Variants in PCDHA7 observed in about 807,000 individuals in gnomAD.
The protein encoded by PCDHA7 is protocadherin alpha-7.
PCDHA7 carries 37 observed loss-of-function variants against 57.2 expected under a neutral mutation model. The observed-to-expected ratio is 0.65, with a 90% confidence interval of 0.50 to 0.85. PCDHA7 has a LOEUF of 0.85. PCDHA7 is among the 40% of genes least tolerant of loss of function. The probability of loss-of-function intolerance (pLI) is 0.00; values close to 1 mark genes in which losing one functional copy is unlikely to be tolerated. For synonymous variants in PCDHA7, 553 were observed against 558.8 expected (o/e 0.99, Z 0.15); for missense variants, 1,188 against 1,241.8 (o/e 0.96, Z 0.65).
intron 1 of PCDHA7, chr5:140,851,932 T>G: frequency 1.0e-6 from 1 of 965,638 alleles, no homozygotes; most frequent in Non-Finnish European, 1.3e-6. Context: ...TTTCCTGAAT[T>G]GTAGTATGTG....
chr5:140,848,874 A>G (rs2040648635), intron 1 of PCDHA7: 2 of 1,590,884 alleles, frequency 1.3e-6, no homozygotes, highest in East Asian at 2.2e-5. Flanking sequence ...GAAGGACATT[A>G]ACGACAACCC....
intron 1 of PCDHA7, among the ~76,000 whole-genome samples, chr5:140,970,537 GT>G (rs111648801): frequency 0.029 from 4,476 of 152,214 alleles, 218 homozygotes; most frequent in African/African-American, 0.1. Flanking sequence ...ATGTGTGTGT[GT>G]TTGTGTTGTG....
Position 140,891,839 on chromosome 5 carries a change from T to C in PCDHA7, c.2355+55101T>C, listed in dbSNP as rs10074902. Among the ~76,000 whole-genome samples, 663 of 152,284 alleles carry C rather than the reference T, an allele frequency of 4.4e-3. 7 individuals carry two copies. The highest frequency in any genetic ancestry group is 0.015 in the African/African-American group (618 of 41,564). On this transcript the variant is annotated intron_variant, in intron 1 of 3. Coordinates refer to ENST00000525929, the MANE Select transcript of PCDHA7 (RefSeq NM_018910.3). ...TTAACGGCACTGTAAAAGGACTTGA[T>C]GGAAGGAGCCTGTCCCTCTCTTATG...
In PCDHA7 at chr5:140,977,177, T is replaced by G. The variant is rs139020033; in HGVS notation, c.2356-1772T>G. On this transcript the variant is annotated intron_variant, in intron 1 of 3. Coordinates refer to ENST00000525929, the MANE Select transcript of PCDHA7 (RefSeq NM_018910.3). ...CCTTTCAGCAAAATGAGTTTGATGA[T>G]TTCATTCCAAAGATCAAGTTGCAGC... 6.8e-3 allele frequency among the ~76,000 whole-genome samples: 1,032 copies of G among 152,274 alleles called. 9 individuals are homozygous for G. Among genetic ancestry groups the G allele is most frequent in the African/African-American group, 0.023 (966 of 41,542 alleles).
chr5:140,977,084 A>C lies in PCDHA7; in HGVS notation c.2356-1865A>C, dbSNP rs545652987. On this transcript the variant is annotated intron_variant, in intron 1 of 3. Coordinates refer to ENST00000525929, the MANE Select transcript of PCDHA7 (RefSeq NM_018910.3). ...TAGAAAATAGCAGCATGACAAATTA[A>C]ATGTGTCATTGGGGAAGTGAGATTG... is the stretch of plus-strand genomic sequence containing the variant. 2.0e-5 allele frequency among the ~76,000 whole-genome samples: 3 copies of C among 152,336 alleles called. No individual in the cohort carries two copies. The East Asian group carries it at 5.8e-4, about 29-fold the overall frequency.
At chr5:140,986,583 T>C (rs1265983211) in intron 3 of PCDHA7, among the ~76,000 whole-genome samples, 1 of 152,170 alleles carries the variant, frequency 6.6e-6, no homozygotes, top group African/African-American at 2.4e-5. Flanking sequence ...TTTTTCCAGC[T>C]CCTCTTTCTA....
Position 140,993,509 on chromosome 5 carries a change from CGGGGAGAGAG to C in PCDHA7, c.2503+10947_2503+10956del, listed in dbSNP as rs2097568307. Among the ~76,000 whole-genome samples, 3 of 143,488 alleles carry C rather than the reference CGGGGAGAGAG, an allele frequency of 2.1e-5. No homozygotes were observed. In the Admixed American group the frequency reaches 2.1e-4, roughly 10 times the overall value. 94.1% of individuals were successfully genotyped at this position (143,488 alleles called of 152,430 possible). A position where few individuals can be genotyped will look rare whatever the true frequency, so the allele number is the denominator to read the frequency against. On this transcript the variant is annotated intron_variant, in intron 3 of 3. Coordinates refer to ENST00000525929, the MANE Select transcript of PCDHA7 (RefSeq NM_018910.3). Reference sequence around the variant, plus strand: ...ACACACACACACACACACACACACACGGGGAGAGAGAGACAGAGAGAGAGAGAGATAGAGA... The same window carrying C: ...ACACACACACACACACACACACACACAGACAGAGAGAGAGAGAGATAGAGA...
At chr5:141,003,663 A>G (rs1298864445) in intron 3 of PCDHA7, among the ~76,000 whole-genome samples, 4 of 152,204 alleles carry the variant, frequency 2.6e-5, no homozygotes, top group Non-Finnish European at 5.9e-5. Flanking sequence ...CATTTATTAA[A>G]ATATATGTTG....
intron 1 of PCDHA7, chr5:140,967,282 G>A (rs1463734502): frequency 1.1e-5 from 17 of 1,612,960 alleles, no homozygotes; most frequent in Non-Finnish European, 1.4e-5. Context: ...TAGAGAGTGC[G>A]CAGGACCCCG....
chr5:140,873,181 T>C (rs2153284921), intron 1 of PCDHA7, among the ~76,000 whole-genome samples: 1 of 152,304 alleles, frequency 6.6e-6, no homozygotes, highest in African/African-American at 2.4e-5. Flanking sequence ...TGTATCATAA[T>C]ATTCATTGGC....
At chr5:140,998,968 T>A (rs2097841777) in intron 3 of PCDHA7, among the ~76,000 whole-genome samples, 1 of 152,238 alleles carries the variant, frequency 6.6e-6, no homozygotes, top group Non-Finnish European at 1.5e-5. Context: ...TCAAATAGTA[T>A]CCTAGAAAAT....
intron 1 of PCDHA7, chr5:140,929,034 C>T (rs561529051): frequency 2.5e-6 from 4 of 1,614,158 alleles, no homozygotes; most frequent in East Asian, 4.5e-5. Flanking sequence ...CAGGCTGTTG[C>T]GCTCAGAGCT....
At chr5:141,000,410 TA>T (rs2097918693) in intron 3 of PCDHA7, among the ~76,000 whole-genome samples, 2 of 101,940 alleles carry the variant, frequency 2.0e-5, no homozygotes, top group African/African-American at 7.8e-5. Flanking sequence ...TATATATATA[TA>T]TATATATATA....
Position 140,877,146 on chromosome 5 carries a change from G to A in PCDHA7, c.2355+40408G>A, listed in dbSNP as rs781819140. The A allele has an allele frequency of 1.9e-6, 3 of 1,613,818 alleles. No individual in the cohort carries two copies. In the East Asian group the frequency reaches 6.7e-5, roughly 36 times the overall value. On this transcript the variant is annotated intron_variant, in intron 1 of 3. Coordinates refer to ENST00000525929, the MANE Select transcript of PCDHA7 (RefSeq NM_018910.3). ...CGCTGCAGGTGTTCGTGCTGGACGA[G>A]AACGACAACGCGCCGGCACTGCTGG...
At position 140,971,223 on chromosome 5, in the gene PCDHA7, C is replaced by T. The variant is rs904012820; in HGVS notation, c.2356-7726C>T. The stretch of plus-strand genomic sequence containing the variant: ...GACACTGTTACCCTCCCTCTCCTGA[C>T]TCAAAGCTTGGGGCAATTTGATACA... On this transcript the variant is annotated intron_variant, in intron 1 of 3. Transcript: ENST00000525929. Among the ~76,000 whole-genome samples, 3 of 152,148 alleles carry T rather than the reference C, an allele frequency of 2.0e-5. No homozygotes were observed. The South Asian group carries it at 6.2e-4, about 31-fold the overall frequency.
At chr5:140,840,932 A>C (rs1391347019) in intron 1 of PCDHA7, among the ~76,000 whole-genome samples, 1 of 152,030 alleles carries the variant, frequency 6.6e-6, no homozygotes, top group African/African-American at 2.4e-5. Flanking sequence ...AATTGATACG[A>C]TATTTGAAAT....
At chr5:140,840,559 A>G (rs1776766288) in intron 1 of PCDHA7, among the ~76,000 whole-genome samples, 1 of 152,098 alleles carries the variant, frequency 6.6e-6, no homozygotes, top group Non-Finnish European at 1.5e-5. Flanking sequence ...CAATACTGCT[A>G]GAGTTTGGCA....
chr5:140,842,929 C>A lies in PCDHA7; in HGVS notation c.2355+6191C>A, dbSNP rs2150347942. 3.8e-6 allele frequency: 6 copies of A among 1,594,270 alleles called. 1 individual carries two copies. The highest frequency in any genetic ancestry group is 5.1e-6 in the Non-Finnish European group (6 of 1,165,428). On this transcript the variant is annotated intron_variant, in intron 1 of 3. Coordinates refer to ENST00000525929, the MANE Select transcript of PCDHA7 (RefSeq NM_018910.3). ...TAGAGCTGCTGCAGTTCCAGGTGAGCGCGCGCGACGCGGGCGTGCCGCCTC... is the reference window on the plus strand; with the variant it reads ...TAGAGCTGCTGCAGTTCCAGGTGAGAGCGCGCGACGCGGGCGTGCCGCCTC...
chr5:140,870,083 C>G, intron 1 of PCDHA7: 1 of 1,613,848 alleles, frequency 6.2e-7, no homozygotes, highest in Admixed American at 1.7e-5. Flanking sequence ...AAGGGGACTC[C>G]CCCAATGGCA....
Sources: gnomAD v4.1 joint callset for allele counts (sites outside exome capture counted in the v4.1 genomes callset) on GRCh38, gnomAD v4.1.1 for gene constraint, MANE v1.5 for transcripts, NCBI Gene and HGNC (gene_info 2026-07-23, HGNC 2026-07-21) for gene names.